Variants in BCHE observed in about 807,000 individuals in gnomAD.
BCHE encodes the protein cholinesterase.
A neutral mutation model predicts 51.3 loss-of-function variants in BCHE; 48 were observed. The ratio of observed to expected loss-of-function variants is 0.94; its 90% confidence interval spans 0.74 to 1.19. BCHE has a LOEUF of 1.19. Among genes scored for constraint, BCHE ranks in the 50% most tolerant of loss-of-function variants. BCHE has a pLI of 0.00. For missense variants in BCHE, 847 were observed against 708.2 expected, an observed-to-expected ratio of 1.20 and a Z score of -2.23; for synonymous variants, 251 against 238.0, an observed-to-expected ratio of 1.05 and a Z score of -0.50.
intron 2 of BCHE, among the ~76,000 whole-genome samples, chr3:165,787,487 A>G (rs1014432683): frequency 6.6e-6 from 1 of 151,914 alleles, no homozygotes; most frequent in Non-Finnish European, 1.5e-5. Flanking sequence ...AAGGGCCACA[A>G]ATTGTTCAGA....
intron 2 of BCHE, among the ~76,000 whole-genome samples, chr3:165,813,637 T>A (rs1342910548): frequency 6.6e-6 from 1 of 151,822 alleles, no homozygotes; most frequent in Non-Finnish European, 1.5e-5. Context: ...GGAAAAAATG[T>A]TGAAACACAA....
chr3:165,815,716 A>G (rs1576860736), intron 2 of BCHE, among the ~76,000 whole-genome samples: 1 of 152,212 alleles, frequency 6.6e-6, no homozygotes, highest in African/African-American at 2.4e-5. Flanking sequence ...CATAAGAAGT[A>G]TATTCTTTAA....
chr3:165,828,120 G>A (rs1714802041), intron 2 of BCHE: 1 of 452,636 alleles, frequency 2.2e-6, no homozygotes, highest in Non-Finnish European at 4.4e-6. Flanking sequence ...CTGTGAGAGT[G>A]AACAAGAAGT....
intron 2 of BCHE, among the ~76,000 whole-genome samples, chr3:165,812,311 G>T: frequency 6.7e-6 from 1 of 149,138 alleles, no homozygotes. Context: ...GTCCCACTAC[G>T]TTTATCATGT....
chr3:165,806,697 A>C (rs1338381849), intron 2 of BCHE, among the ~76,000 whole-genome samples: 1 of 152,174 alleles, frequency 6.6e-6, no homozygotes, highest in Non-Finnish European at 1.5e-5. Flanking sequence ...AGGGATTAGA[A>C]TCAGATACAC....
intron 2 of BCHE, among the ~76,000 whole-genome samples, chr3:165,809,025 A>G: frequency 6.6e-6 from 1 of 152,116 alleles, no homozygotes; most frequent in East Asian, 1.9e-4. Flanking sequence ...GACTTTATAT[A>G]TTATATTAAG....
At chr3:165,807,413 C>G (rs1195495548) in intron 2 of BCHE, among the ~76,000 whole-genome samples, 1 of 151,638 alleles carries the variant, frequency 6.6e-6, no homozygotes, top group African/African-American at 2.4e-5. Context: ...TTTAATATAC[C>G]TAAAACATAG....
intron 3 of BCHE, chr3:165,778,630 T>G (rs1712564529): frequency 4.5e-6 from 2 of 447,806 alleles, no homozygotes; most frequent in Admixed American, 4.7e-5. Context: ...CTTTCCATGG[T>G]CCTGGGCCCT....
rs749068794 is a variant in BCHE, at chr3:165,830,255, G to A, written c.779C>T (p.Ala260Val). ...LQSGSFNAPW[A>V]VTSLYEARNR... is the part of the protein sequence containing the mutation. ...CCTAGCTTCATAAAGAGATGTTACC[G>A]CCCAAGGAGCATTAAAGGATCCACT... is the stretch of plus-strand genomic sequence containing the variant. The change falls in exon 2 of 4, where the codon GCG (alanine) becomes GTG (valine). Residue 260 changes from alanine (A) to valine (V), a missense_variant. Ala to Val is a moderately conservative substitution (Grantham distance 64, BLOSUM62 0). Coordinates refer to ENST00000264381, the MANE Select transcript of BCHE (RefSeq NM_000055.4). 4 of 1,613,926 alleles carry A rather than the reference G, an allele frequency of 2.5e-6. No individual in the cohort carries two copies. Among genetic ancestry groups the A allele is most frequent in the Non-Finnish European group, 2.5e-6 (3 of 1,179,906 alleles).
intron 3 of BCHE, among the ~76,000 whole-genome samples, chr3:165,777,095 A>T (rs1712501419): frequency 2.0e-5 from 3 of 151,930 alleles, no homozygotes; most frequent in Admixed American, 2.0e-4. Context: ...ATGAGTAAAT[A>T]AGTATATATT....
intron 2 of BCHE, among the ~76,000 whole-genome samples, chr3:165,801,598 A>C (rs1713651718): frequency 6.6e-6 from 1 of 152,162 alleles, no homozygotes; most frequent in Admixed American, 6.5e-5. Flanking sequence ...TAAAAAAAGT[A>C]TTTTTGGATG....
At chr3:165,776,866 A>G (rs1576832319) in intron 3 of BCHE, among the ~76,000 whole-genome samples, 1 of 151,948 alleles carries the variant, frequency 6.6e-6, no homozygotes, top group East Asian at 1.9e-4. Context: ...AATAATATGT[A>G]TAAAAAGTGT....
intron 2 of BCHE, among the ~76,000 whole-genome samples, chr3:165,786,964 T>C (rs960468958): frequency 1.3e-5 from 2 of 151,776 alleles, no homozygotes; most frequent in Non-Finnish European, 3.0e-5. Context: ...ATTCTTTTTA[T>C]ACACCCAGCC....
chr3:165,800,958 A>C (rs1035707496), intron 2 of BCHE, among the ~76,000 whole-genome samples: 2 of 152,136 alleles, frequency 1.3e-5, no homozygotes, highest in Non-Finnish European at 2.9e-5. Flanking sequence ...GGATAACCAA[A>C]TTTTTTTAAT....
At chr3:165,807,486 T>C (rs1369863968) in intron 2 of BCHE, among the ~76,000 whole-genome samples, 3 of 151,862 alleles carry the variant, frequency 2.0e-5, no homozygotes, top group African/African-American at 7.2e-5. Flanking sequence ...TTAATAATGA[T>C]TGAGATAAAG....
At chr3:165,810,453 T>C (rs1162450250) in intron 2 of BCHE, among the ~76,000 whole-genome samples, 1 of 152,182 alleles carries the variant, frequency 6.6e-6, no homozygotes, top group Admixed American at 6.5e-5. Flanking sequence ...AGAGATTCAC[T>C]GAGTACTTTG....
At position 165,808,382 on chromosome 3, in the gene BCHE, TTAATA is replaced by T. The variant is rs1713950821; in HGVS notation, c.1517+21130_1517+21134del. Among the ~76,000 whole-genome samples, 5 of 152,212 alleles carry T rather than the reference TTAATA, an allele frequency of 3.3e-5. No individual in the cohort carries two copies. In the South Asian group the frequency reaches 1.0e-3, roughly 32 times the overall value. On this transcript the variant is annotated intron_variant, in intron 2 of 3. Transcript: ENST00000264381. ...TGGAAAATAGATTTCAAGATTTATT[TTAATA>T]TGTCAAATACATACCTAATTTTTGC...
rs1418971053 is a variant in BCHE, at chr3:165,830,943, C to T, written c.91G>A (p.Asp31Asn). The T allele has an allele frequency of 1.2e-6, 2 of 1,613,674 alleles. No homozygotes were observed. The highest frequency in any genetic ancestry group is 1.7e-6 in the Non-Finnish European group (2 of 1,179,890). Residue 31 changes from aspartate to asparagine, a missense_variant, in exon 2 of 4, where the codon GAC becomes AAC. Asp to Asn is a conservative substitution (Grantham distance 23). Transcript: ENST00000264381. ...MLIGKSHTED[D>N]IIIATKNGKV... ...CCATTCTTTGTTGCAATTATGATGTCATCTTCAGTATGTGACTTCCCAATA... is the reference window on the plus strand; with the variant it reads ...CCATTCTTTGTTGCAATTATGATGTTATCTTCAGTATGTGACTTCCCAATA...
At chr3:165,832,006 A>AT (rs1384519950) in intron 1 of BCHE, among the ~76,000 whole-genome samples, 11 of 152,178 alleles carry the variant, frequency 7.2e-5, no homozygotes, top group Non-Finnish European at 1.6e-4. Flanking sequence ...AATTATTTGC[A>AT]TTTTTTATAA....
Sources: gnomAD v4.1 joint callset for allele counts (sites outside exome capture counted in the v4.1 genomes callset) on GRCh38, gnomAD v4.1.1 for gene constraint, MANE v1.5 for transcripts, NCBI Gene and HGNC (gene_info 2026-07-23, HGNC 2026-07-21) for gene names.